The following FBXO41 variants were observed in gnomAD, a reference collection of about 807,000 sequenced individuals.
The protein encoded by FBXO41 is F-box only protein 41.
In FBXO41, 33 loss-of-function variants were observed where a neutral mutation model predicts 81.6. The observed-to-expected ratio is 0.40, with a 90% CI of 0.31 to 0.54. The LOEUF is 0.54. FBXO41 is among the 20% of genes least tolerant of loss of function. The probability of loss-of-function intolerance (pLI) is 0.39; values close to 1 mark genes in which losing one functional copy is unlikely to be tolerated. For synonymous variants in FBXO41, 576 were observed against 552.7 expected, an observed-to-expected ratio of 1.04 and a Z score of -0.59; for missense variants, 1,107 against 1,236.0, an observed-to-expected ratio of 0.90 and a Z score of 1.56.
intron 9 of FBXO41, 91 bp downstream of exon 9, chr2:73,263,122 T>C: frequency 1.0e-6 from 1 of 989,496 alleles, no homozygotes; most frequent in East Asian, 2.7e-5. Context: ...CCTAATAGCT[T>C]GTGGAATGGG....
chr2:73,265,973 G>T lies in FBXO41; in HGVS notation c.1132-7C>A. On this transcript the variant is annotated splice_region_variant and splice_polypyrimidine_tract_variant and intron_variant, in intron 3 of 12. Coordinates refer to ENST00000520530, the MANE Select transcript of FBXO41 (RefSeq NM_001371389.2). ...GGCCCACGTGGTGTTCTCGCTGTGG[G>T]CCCCCAGAGCAGGAGGTAAAGGAGA... 1 of 1,566,492 alleles carries T rather than the reference G, an allele frequency of 6.4e-7. No homozygotes were observed. The highest frequency in any genetic ancestry group is 8.7e-7 in the Non-Finnish European group (1 of 1,154,652).
chr2:73,265,928 A>G lies in FBXO41; in HGVS notation c.1170T>C (p.Tyr390=), dbSNP rs781539655. Reference sequence around the variant, plus strand: ...GAGAGGAGCCATGCCGTGACACTGCATATGTGTTAGGCACGGCCGGGCCCA... The same window carrying G: ...GAGAGGAGCCATGCCGTGACACTGCGTATGTGTTAGGCACGGCCGGGCCCA... ...HHVGPAVPNT[Y]AVSRHGSSPS... The change falls in exon 4 of 13, where the codon TAT becomes TAC. Residue 390 remains tyrosine (Y), a synonymous_variant. Coordinates refer to ENST00000520530, the MANE Select transcript of FBXO41 (RefSeq NM_001371389.2). 1.3e-5 allele frequency: 21 copies of G among 1,588,330 alleles called. No individual in the cohort carries two copies. The East Asian group carries it at 2.3e-4, about 17-fold the overall frequency.
chr2:73,265,182 G>A (rs532108901), intron 5 of FBXO41, 100 bp downstream of exon 5: 3 of 1,151,824 alleles, frequency 2.6e-6, no homozygotes, highest in South Asian at 3.1e-5. Flanking sequence ...CGCTATGTAG[G>A]AGGGGTGGGC....
Position 73,260,706 on chromosome 2 carries a change from A to G in FBXO41, c.2290+34T>C. ...AGCACTGCACCCATGCCTGCTTCCC[A>G]CTACCCACCACCCCAGTCCAAGGAA... On this transcript the variant is annotated intron_variant, in intron 10 of 12. Coordinates refer to ENST00000520530, the MANE Select transcript of FBXO41 (RefSeq NM_001371389.2). This position sits in a 1 kb window ranked among gnomAD's most constrained non-coding sequence, Gnocchi z 5.0. The G allele has an allele frequency of 3.9e-6, 6 of 1,519,796 alleles. No individual in the cohort carries two copies. The highest frequency in any genetic ancestry group is 5.3e-6 in the Non-Finnish European group (6 of 1,125,722). The allele number at this position is 1,519,796 out of a possible 1,614,324, so 94.1% of individuals were successfully genotyped here. A position where few individuals can be genotyped will look rare whatever the true frequency, so the allele number is the denominator to read the frequency against.
Position 73,264,383 on chromosome 2 carries a change from G to A in FBXO41, c.1701C>T (p.Arg567=), listed in dbSNP as rs1353515193. Residue 567 remains arginine, a synonymous_variant, in exon 6 of 13, where the codon CGC becomes CGT. Coordinates refer to ENST00000520530, the MANE Select transcript of FBXO41 (RefSeq NM_001371389.2). ...AGACCTCGGCAGCATGCAGCAGTGT[G>A]CGCGTGTCCAGGTAGGTGAAGATGC... is the stretch of plus-strand genomic sequence containing the variant. The part of the protein sequence containing the change: ...LFCIFTYLDT[R]TLLHAAEVCR... 6.2e-7 allele frequency: 1 copy of A among 1,613,860 alleles called. No individual in the cohort carries two copies. Among genetic ancestry groups the A allele is most frequent in the Non-Finnish European group, 8.5e-7 (1 of 1,179,896 alleles).
chr2:73,270,958 C>A (rs1375098723), intron 1 of FBXO41: 3 of 533,616 alleles, frequency 5.6e-6, no homozygotes, highest in Non-Finnish European at 1.2e-5. Context: ...ATACTGTTGA[C>A]CCCTCCATCT....
At position 73,260,846 on chromosome 2, in the gene FBXO41, T is replaced by C. The variant is rs1687994771; in HGVS notation, c.2184A>G (p.Thr728=). Reference sequence around the variant, plus strand: ...TCTGCAGGCAGCGGTTACTGAAGCGTGTGGGCTGCTGGCTGGAGAATGGGA... The same window carrying C: ...TCTGCAGGCAGCGGTTACTGAAGCGCGTGGGCTGCTGGCTGGAGAATGGGA... ...VAPLHPCQQP[T]RFSNRCLQMI... Residue 728 remains threonine, a synonymous_variant, in exon 10 of 13, where the codon ACA becomes ACG. Transcript: ENST00000520530. The surrounding 1 kb of genome is among the most constrained non-coding windows in gnomAD (Gnocchi z 5.0). 1 of 1,560,780 alleles carries C rather than the reference T, an allele frequency of 6.4e-7. No individual in the cohort carries two copies. Among genetic ancestry groups the C allele is most frequent in the Non-Finnish European group, 8.7e-7 (1 of 1,151,194 alleles).
intron 1 of FBXO41, among the ~76,000 whole-genome samples, chr2:73,283,237 A>G (rs1365392140): frequency 6.6e-6 from 1 of 152,158 alleles, no homozygotes; most frequent in Non-Finnish European, 1.5e-5. Context: ...GAGTCCCCCA[A>G]GAAGGCTGGG....
chr2:73,269,520 C>G lies in FBXO41; in HGVS notation c.111G>C (p.Thr37=). 7.3e-7 allele frequency: 1 copy of G among 1,369,728 alleles called. No individual in the cohort carries two copies. The highest frequency in any genetic ancestry group is 1.4e-5 in the South Asian group (1 of 70,578). 84.8% of individuals were successfully genotyped at this position (1,369,728 alleles called of 1,614,324 possible). A position where few individuals can be genotyped will look rare whatever the true frequency, so the allele number is the denominator to read the frequency against. The change falls in exon 2 of 13, where the codon ACG becomes ACC. Residue 37 remains threonine (T), a synonymous_variant. Transcript: ENST00000520530. This position sits in a 1 kb window ranked among gnomAD's most constrained non-coding sequence, Gnocchi z 7.0. ...TGTTGGTCTTGGAGAGGATGTAGAG[C>G]GTCTCGTAGGTGTGGCTGTACTCCA... The part of the protein sequence containing the change: ...AHLEYSHTYE[T]LYILSKTNSI...
rs2103873715 is a variant in FBXO41 at position 73,265,499 on chromosome 2, C to T, written c.1347G>A (p.Gly449=). ...GLGTRAQAAN[G]GSERSQPPRS... is the part of the protein sequence containing the mutation. ...GAGGGGGCTGGGACCGCTCTGAGCC[C>T]CCGTTGGCAGCCTGGGCCCGTGTGC... Residue 449 remains glycine, a synonymous_variant, in exon 5 of 13, where the codon GGG becomes GGA. Coordinates refer to ENST00000520530, the MANE Select transcript of FBXO41 (RefSeq NM_001371389.2). The T allele has an allele frequency of 1.3e-6, 2 of 1,597,526 alleles. No individual in the cohort carries two copies. Among genetic ancestry groups the T allele is most frequent in the African/African-American group, 1.3e-5 (1 of 74,866 alleles).
intron 9 of FBXO41, among the ~76,000 whole-genome samples, chr2:73,262,138 G>A (rs1051038123): frequency 2.0e-5 from 3 of 152,064 alleles, no homozygotes; most frequent in Non-Finnish European, 2.9e-5. Context: ...TAGGAGGATC[G>A]CCTGAACCTG....
chr2:73,256,874 T>C lies in FBXO41; in HGVS notation c.*2108A>G, dbSNP rs1687833790. 6.5e-6 allele frequency: 1 copy of C among 152,792 alleles called. No homozygotes were observed. The highest frequency in any genetic ancestry group is 2.4e-5 in the African/African-American group (1 of 41,428). The allele number at this position is 152,792 out of a possible 1,614,324, so 9.5% of individuals were successfully genotyped here. On this transcript the variant is annotated 3_prime_UTR_variant, in exon 13 of 13. Coordinates refer to ENST00000520530, the MANE Select transcript of FBXO41 (RefSeq NM_001371389.2). ...CAGAGAGAAGTTGCCTAGAGCCTTG[T>C]ATTCAGGGATGGAAGGTCCCTGGGG... is the stretch of plus-strand genomic sequence containing the variant.
Position 73,269,634 on chromosome 2 carries a change from C to T in FBXO41, c.-4G>A, listed in dbSNP as rs779799573. 5 of 1,194,570 alleles carry T rather than the reference C, an allele frequency of 4.2e-6. No individual in the cohort carries two copies. Among genetic ancestry groups the T allele is most frequent in the African/African-American group, 1.6e-5 (1 of 61,350 alleles). 74.0% of individuals were successfully genotyped at this position (1,194,570 alleles called of 1,614,324 possible). A position where few individuals can be genotyped will look rare whatever the true frequency, so the allele number is the denominator to read the frequency against. Reference sequence around the variant, plus strand: ...ACGGCAGGTCCAGCGAGGCCATGGCCCCGCCGCCCCCGCGGCACGCGGGCT... The same window carrying T: ...ACGGCAGGTCCAGCGAGGCCATGGCTCCGCCGCCCCCGCGGCACGCGGGCT... On this transcript the variant is annotated 5_prime_UTR_variant, in exon 2 of 13. Coordinates refer to ENST00000520530, the MANE Select transcript of FBXO41 (RefSeq NM_001371389.2). This position sits in a 1 kb window ranked among gnomAD's most constrained non-coding sequence, Gnocchi z 7.0.
intron 1 of FBXO41, among the ~76,000 whole-genome samples, chr2:73,274,351 CA>C (rs1688625543): frequency 6.6e-6 from 1 of 152,118 alleles, no homozygotes; most frequent in African/African-American, 2.4e-5. Context: ...TCATACTGAA[CA>C]TTCATATTTT....
At chr2:73,270,845 T>G (rs759219339) in intron 1 of FBXO41, 4 of 534,494 alleles carry the variant, frequency 7.5e-6, no homozygotes, top group Non-Finnish European at 1.2e-5. Flanking sequence ...CCTAACTGCC[T>G]GCAATAGGGC....
Position 73,272,248 on chromosome 2 carries a change from C to CCTCAGTAAGTT in FBXO41, c.-138-2481_-138-2480insAACTTACTGAG, listed in dbSNP as rs1350976914. The CCTCAGTAAGTT allele has an allele frequency of 4.6e-5, 7 of 152,318 alleles. No homozygotes were observed. In the East Asian group the frequency reaches 9.7e-4, roughly 21 times the overall value. 9.4% of individuals were successfully genotyped at this position (152,318 alleles called of 1,614,324 possible). A position where few individuals can be genotyped will look rare whatever the true frequency, so the allele number is the denominator to read the frequency against. On this transcript the variant is annotated intron_variant, in intron 1 of 12. Transcript: ENST00000520530. Reference sequence around the variant, plus strand: ...CAGGATGTTGGGAGTGTCTTTCCAACGGCCTCAGTAAGGTCCAACAAGCAA... The same window carrying CCTCAGTAAGTT: ...CAGGATGTTGGGAGTGTCTTTCCAACCTCAGTAAGTTGGCCTCAGTAAGGTCCAACAAGCAA...
chr2:73,282,052 T>TG (rs1688863720), intron 1 of FBXO41, among the ~76,000 whole-genome samples: 1 of 152,206 alleles, frequency 6.6e-6, no homozygotes, highest in South Asian at 2.1e-4. Context: ...TGGAGTGCAG[T>TG]GGCATGATCT....
At position 73,265,640 on chromosome 2, in the gene FBXO41, C is replaced by G. The variant is rs1005067319; in HGVS notation, c.1206G>C (p.Gly402=). 1.3e-6 allele frequency: 2 copies of G among 1,507,528 alleles called. No individual in the cohort carries two copies. Among genetic ancestry groups the G allele is most frequent in the Non-Finnish European group, 1.8e-6 (2 of 1,128,234 alleles). The allele number at this position is 1,507,528 out of a possible 1,614,324, so 93.4% of individuals were successfully genotyped here. A position where few individuals can be genotyped will look rare whatever the true frequency, so the allele number is the denominator to read the frequency against. Residue 402 remains glycine, a splice_region_variant and synonymous_variant, in exon 5 of 13, where the codon GGG becomes GGC. Coordinates refer to ENST00000520530, the MANE Select transcript of FBXO41 (RefSeq NM_001371389.2). ...VSRHGSSPST[G]ASSRVPAASQ... Reference sequence around the variant, plus strand: ...ATGCGGCTGGCACACGGCTGGAGGCCCTGGGGCAGGGTGGACCACACAGTA... The same window carrying G: ...ATGCGGCTGGCACACGGCTGGAGGCGCTGGGGCAGGGTGGACCACACAGTA...
chr2:73,279,356 C>A (rs1688784865), intron 1 of FBXO41, among the ~76,000 whole-genome samples: 1 of 152,066 alleles, frequency 6.6e-6, no homozygotes, highest in African/African-American at 2.4e-5. Context: ...TGAATTGCAA[C>A]ACGGAGCCAA....
Sources: allele counts gnomAD v4.1 joint callset (sites outside exome capture counted in the v4.1 genomes callset), GRCh38; gene constraint gnomAD v4.1.1; non-coding constraint Gnocchi (gnomAD v3.1); transcripts MANE v1.5; gene names NCBI Gene and HGNC (gene_info 2026-07-23, HGNC 2026-07-21).